Variants in UBE2O observed in about 807,000 individuals in gnomAD.
The protein encoded by UBE2O is (E3-independent) E2 ubiquitin-conjugating enzyme.
UBE2O carries 15 observed loss-of-function variants against 125.8 expected under a neutral mutation model. The observed-to-expected ratio is 0.12, with a 90% confidence interval of 0.08 to 0.18. The LOEUF (loss-of-function observed/expected upper bound fraction) is 0.18. Among genes scored for constraint, UBE2O ranks in the 10% least tolerant of loss-of-function variants. UBE2O has a pLI of 1.00. For missense variants in UBE2O, 1,280 were observed against 1,723.6 expected, an observed-to-expected ratio of 0.74 and a Z score of 4.56; for synonymous variants, 708 against 703.2, an observed-to-expected ratio of 1.01 and a Z score of -0.11.
rs1398078565 is a variant in UBE2O at position 76,391,997 on chromosome 17, G to A, written c.3063C>T (p.Tyr1021=). The part of the protein sequence containing the change: ...IYPAVPPHFC[Y]LSQCSGRLNP... ...TCAGGCGGCCACTGCATTGGGAGAG[G>A]TAGCAGAAGTGGGGGGGCACGGCTG... Residue 1021 remains tyrosine (Y), a synonymous_variant, in exon 16 of 18, where the codon TAC becomes TAT. Transcript: ENST00000319380. The surrounding 1 kb of genome is among the most constrained non-coding windows in gnomAD (Gnocchi z 8.4). 1 of 1,599,148 alleles carries A rather than the reference G, an allele frequency of 6.3e-7. No individual in the cohort carries two copies.
At chr17:76,414,010 A>T (rs2072558258) in intron 1 of UBE2O, among the ~76,000 whole-genome samples, 1 of 152,200 alleles carries the variant, frequency 6.6e-6, no homozygotes, top group Non-Finnish European at 1.5e-5. Flanking sequence ...GTGCCAGTGT[A>T]AGGACTTTCT....
At chr17:76,416,360 G>T (rs1420276078) in intron 1 of UBE2O, among the ~76,000 whole-genome samples, 1 of 152,112 alleles carries the variant, frequency 6.6e-6, no homozygotes, top group African/African-American at 2.4e-5. Context: ...TGCTGCCTGG[G>T]AATCATCTGA....
At position 76,399,901 on chromosome 17, in the gene UBE2O, C is replaced by A; in HGVS notation, c.1176G>T (p.Lys392Asn). 6.2e-7 allele frequency: 1 copy of A among 1,607,352 alleles called. No individual in the cohort carries two copies. The highest frequency in any genetic ancestry group is 8.5e-7 in the Non-Finnish European group (1 of 1,176,652). ...AGCATGACATGATCCGCACAACCTG[C>A]TTCTTCAACAGGCGCTTCACCTGCA... ...MAKKVKRLLK[K>N]QVVRIMSCSP... is the part of the protein sequence containing the mutation. The change falls in exon 9 of 18, where the codon AAG becomes AAT. Residue 392 changes from lysine to asparagine, a missense_variant. Transcript: ENST00000319380. The surrounding 1 kb of genome is among the most constrained non-coding windows in gnomAD (Gnocchi z 6.9).
rs377512923 is a variant in UBE2O, at chr17:76,399,796, C to A, written c.1281G>T (p.Ala427=). The A allele has an allele frequency of 6.2e-7, 1 of 1,614,200 alleles. No homozygotes were observed. The highest frequency in any genetic ancestry group is 8.5e-7 in the Non-Finnish European group (1 of 1,180,036). ...KKGESKTKSE[A]ESASPEETPD... is the part of the protein sequence containing the mutation. ...GCGTCTCCTCAGGGCTGGCAGACTCCGCTTCGCTCTTGGTTTTGGATTCCC... is the reference window on the plus strand; with the variant it reads ...GCGTCTCCTCAGGGCTGGCAGACTCAGCTTCGCTCTTGGTTTTGGATTCCC... The change falls in exon 9 of 18, where the codon GCG becomes GCT. Residue 427 remains alanine, a synonymous_variant. Coordinates refer to ENST00000319380, the MANE Select transcript of UBE2O (RefSeq NM_022066.4). This position sits in a 1 kb window ranked among gnomAD's most constrained non-coding sequence, Gnocchi z 6.9.
At chr17:76,428,913 T>C (rs2072857470) in intron 1 of UBE2O, among the ~76,000 whole-genome samples, 1 of 151,570 alleles carries the variant, frequency 6.6e-6, no homozygotes, top group African/African-American at 2.4e-5. Flanking sequence ...TTTTTTTTTT[T>C]TTTTTTGAGA....
intron 1 of UBE2O, among the ~76,000 whole-genome samples, chr17:76,444,899 C>T (rs2073128937): frequency 2.0e-5 from 3 of 152,232 alleles, no homozygotes; most frequent in Admixed American, 2.0e-4. Flanking sequence ...CCCAGAATCC[C>T]TGGAGACGTA....
In UBE2O at chr17:76,398,271, G is replaced by A; in HGVS notation, c.2009C>T (p.Pro670Leu). ...AAGGCGTACCTCATCCTCCTTGTGA[G>A]GAGCCCCATCCTCAGTATTGCCGAT... ...IRIGNTEDGA[P>L]HKEDEPSVGQ... Residue 670 changes from proline (P) to leucine (L), a missense_variant, in exon 12 of 18, where the codon CCT becomes CTT. By Grantham distance (98) the Pro-to-Leu change is moderately conservative. This residue lies in a region of UBE2O where 210 missense variants were observed against 268.9 expected (regional missense o/e 0.78). Transcript: ENST00000319380. The surrounding 1 kb of genome is among the most constrained non-coding windows in gnomAD (Gnocchi z 5.4). 1 of 1,614,190 alleles carries A rather than the reference G, an allele frequency of 6.2e-7. No homozygotes were observed. Among genetic ancestry groups the A allele is most frequent in the East Asian group, 2.2e-5 (1 of 44,892 alleles).
rs929803596 is a variant in UBE2O at position 76,395,560 on chromosome 17, C to A, written c.2946+165G>T. 2.3e-5 allele frequency: 17 copies of A among 735,742 alleles called. 2 individuals are homozygous for A. The South Asian group carries it at 3.0e-4, about 13-fold the overall frequency. 45.6% of individuals were successfully genotyped at this position (735,742 alleles called of 1,614,324 possible). A position where few individuals can be genotyped will look rare whatever the true frequency, so the allele number is the denominator to read the frequency against. The stretch of plus-strand genomic sequence containing the variant: ...TGGCCTGGACACACGGCTGAGTCAG[C>A]CCTCACCTGACTGAGCCTGTGACCG... On this transcript the variant is annotated intron_variant, in intron 15 of 17. Transcript: ENST00000319380. This position sits in a 1 kb window ranked among gnomAD's most constrained non-coding sequence, Gnocchi z 5.0.
In UBE2O at chr17:76,396,902, G is replaced by T; in HGVS notation, c.2116-81C>A. 1 of 1,272,210 alleles carries T rather than the reference G, an allele frequency of 7.9e-7. No individual in the cohort carries two copies. The highest frequency in any genetic ancestry group is 1.1e-6 in the Non-Finnish European group (1 of 922,460). 78.8% of individuals were successfully genotyped at this position (1,272,210 alleles called of 1,614,324 possible). ...CTAAGGAGGAGCTCTGGGGATCCCT[G>T]ATCCGCACAGCTGATGGCGACTGGG... On this transcript the variant is annotated intron_variant, in intron 13 of 17. Coordinates refer to ENST00000319380, the MANE Select transcript of UBE2O (RefSeq NM_022066.4). The surrounding 1 kb of genome is among the most constrained non-coding windows in gnomAD (Gnocchi z 6.7).
chr17:76,400,959 CCAGGGTGTGGAGGT>C lies in UBE2O; in HGVS notation c.894+38_894+51del. ...GAAGGAAAGGGGCAGCAGCTCAGCT[CCAGGGTGTGGAGGT>C]CAAGGACTCCATCTCCTACCCTTGG... is the stretch of plus-strand genomic sequence containing the variant. On this transcript the variant is annotated intron_variant, in intron 6 of 17. Coordinates refer to ENST00000319380, the MANE Select transcript of UBE2O (RefSeq NM_022066.4). This position sits in a 1 kb window ranked among gnomAD's most constrained non-coding sequence, Gnocchi z 4.3. 1 of 1,603,880 alleles carries C rather than the reference CCAGGGTGTGGAGGT, an allele frequency of 6.2e-7. No homozygotes were observed. The highest frequency in any genetic ancestry group is 8.5e-7 in the Non-Finnish European group (1 of 1,174,140).
Position 76,395,849 on chromosome 17 carries a change from A to C in UBE2O, c.2822T>G (p.Phe941Cys). The change falls in exon 15 of 18, where the codon TTT (phenylalanine) becomes TGT (cysteine). Residue 941 changes from phenylalanine to cysteine, a missense_variant. Phe to Cys is a radical substitution (Grantham distance 205, BLOSUM62 -2). Around this residue, in one of 10 missense-constraint regions of UBE2O, gnomAD observed 116 missense variants for 154.8 expected, o/e 0.75. Coordinates refer to ENST00000319380, the MANE Select transcript of UBE2O (RefSeq NM_022066.4). This position sits in a 1 kb window ranked among gnomAD's most constrained non-coding sequence, Gnocchi z 5.0. ...VLEFAPSNHS[F>C]KKIEFQPPEA... The stretch of plus-strand genomic sequence containing the variant: ...TGGAGGCTGGAACTCAATTTTCTTA[A>C]AAGAATGATTTGCTAGAGGGGGGAA... 1 of 1,614,160 alleles carries C rather than the reference A, an allele frequency of 6.2e-7. No individual in the cohort carries two copies. Among genetic ancestry groups the C allele is most frequent in the Non-Finnish European group, 8.5e-7 (1 of 1,180,050 alleles).
Position 76,402,767 on chromosome 17 carries a change from T to C in UBE2O, c.589-68A>G. ...CGTTCATGTCCAGGGCACAGATTCC[T>C]CTATGCCCCACCGAAGACAGGATGG... On this transcript the variant is annotated intron_variant, in intron 3 of 17. Transcript: ENST00000319380. The surrounding 1 kb of genome is among the most constrained non-coding windows in gnomAD (Gnocchi z 5.4). 7.5e-7 allele frequency: 1 copy of C among 1,325,502 alleles called. No individual in the cohort carries two copies. Among genetic ancestry groups the C allele is most frequent in the Non-Finnish European group, 1.1e-6 (1 of 918,172 alleles). The allele number at this position is 1,325,502 out of a possible 1,614,324, so 82.1% of individuals were successfully genotyped here.
chr17:76,403,845 A>G (rs1223377802), intron 3 of UBE2O, among the ~76,000 whole-genome samples: 2 of 152,208 alleles, frequency 1.3e-5, no homozygotes, highest in African/African-American at 4.8e-5. Context: ...AAAGTTCTTA[A>G]AAAACCAACA....
rs775323079 is a variant in UBE2O, at chr17:76,398,402, T to G, written c.1897-19A>C. The G allele has an allele frequency of 8.1e-6, 13 of 1,614,030 alleles. No homozygotes were observed. The Admixed American group carries it at 2.0e-4, about 25-fold the overall frequency. On this transcript the variant is annotated intron_variant, in intron 11 of 17. Transcript: ENST00000319380. The surrounding 1 kb of genome is among the most constrained non-coding windows in gnomAD (Gnocchi z 5.4). ...CAATCAGCTGTGGCACAGGACAGGTTGTCATGAGCTAGGGGTCCTACACCC... is the reference window on the plus strand; with the variant it reads ...CAATCAGCTGTGGCACAGGACAGGTGGTCATGAGCTAGGGGTCCTACACCC...
chr17:76,424,383 T>C (rs907000074), intron 1 of UBE2O, among the ~76,000 whole-genome samples: 2 of 150,752 alleles, frequency 1.3e-5, no homozygotes, highest in Non-Finnish European at 3.0e-5. Context: ...TAATTTTTTG[T>C]ATTTTTGTAG....
At chr17:76,440,489 AGAT>A (rs2073062103) in intron 1 of UBE2O, among the ~76,000 whole-genome samples, 1 of 152,164 alleles carries the variant, frequency 6.6e-6, no homozygotes, top group Non-Finnish European at 1.5e-5. Context: ...TGCCACGCTA[AGAT>A]GATTTCTGTA....
At chr17:76,417,211 C>T (rs1339386941) in intron 1 of UBE2O, among the ~76,000 whole-genome samples, 1 of 152,238 alleles carries the variant, frequency 6.6e-6, no homozygotes, top group African/African-American at 2.4e-5. Context: ...GACTCAGGGG[C>T]AGGCTTCTGC....
rs760629840 is a variant in UBE2O at position 76,401,062 on chromosome 17, A to C, written c.843T>G (p.Gly281=). 4 of 1,613,566 alleles carry C rather than the reference A, an allele frequency of 2.5e-6. No individual in the cohort carries two copies. Among genetic ancestry groups the C allele is most frequent in the Non-Finnish European group, 3.4e-6 (4 of 1,180,002 alleles). ...KIFSSVQWLS[G]VKPVLSTKSK... ...TCTTGGTGCTGAGCACGGGCTTGACACCTGACAGCCACTGGACGCTGGAGA... is the reference window on the plus strand; with the variant it reads ...TCTTGGTGCTGAGCACGGGCTTGACCCCTGACAGCCACTGGACGCTGGAGA... Residue 281 remains glycine (G), a synonymous_variant, in exon 6 of 18, where the codon GGT becomes GGG. Transcript: ENST00000319380.
chr17:76,426,110 C>G (rs1418106921), intron 1 of UBE2O, among the ~76,000 whole-genome samples: 3 of 152,192 alleles, frequency 2.0e-5, no homozygotes, highest in Non-Finnish European at 2.9e-5. Flanking sequence ...TCAAATGATC[C>G]TCTTACTTCA....
Sources: allele counts gnomAD v4.1 joint callset (sites outside exome capture counted in the v4.1 genomes callset), GRCh38; gene constraint gnomAD v4.1.1; regional missense constraint gnomAD v4.1.1; non-coding constraint Gnocchi (gnomAD v3.1); transcripts MANE v1.5; gene names NCBI Gene and HGNC (gene_info 2026-07-23, HGNC 2026-07-21).